RNF180: variants seen among roughly 807,000 people sequenced by gnomAD.
RNF180 encodes the protein ring finger protein 180.
RNF180 carries 38 observed loss-of-function variants against 59.2 expected under a neutral mutation model. The observed-to-expected ratio is 0.64, with a 90% CI of 0.50 to 0.84. RNF180 has a LOEUF of 0.84. RNF180 is among the 40% of genes least tolerant of loss of function. The pLI is 0.00. For synonymous variants in RNF180, 262 were observed against 240.3 expected (o/e 1.09, Z -0.84); for missense variants, 705 against 700.9 (o/e 1.01, Z -0.07).
At chr5:64,279,097 A>G (rs903922205) in intron 5 of RNF180, among the ~76,000 whole-genome samples, 1 of 152,226 alleles carries the variant, frequency 6.6e-6, no homozygotes, top group Admixed American at 6.5e-5. Context: ...GCTGGGCCCT[A>G]TAACATACCA....
chr5:64,267,016 A>G (rs1046980917), intron 5 of RNF180, among the ~76,000 whole-genome samples: 2 of 152,094 alleles, frequency 1.3e-5, no homozygotes, highest in South Asian at 2.1e-4. Flanking sequence ...AAGAAATATT[A>G]GTATGTTTAA....
chr5:64,274,279 T>C (rs1166874602), intron 5 of RNF180, among the ~76,000 whole-genome samples: 1 of 152,014 alleles, frequency 6.6e-6, no homozygotes, highest in East Asian at 1.9e-4. Flanking sequence ...TCACTTATTC[T>C]TTTTTATTAT....
intron 5 of RNF180, among the ~76,000 whole-genome samples, chr5:64,220,248 A>T (rs1357101069): frequency 1.3e-5 from 2 of 151,674 alleles, no homozygotes; most frequent in East Asian, 3.8e-4. Context: ...ATATGTATAT[A>T]TTTACATATA....
intron 2 of RNF180, among the ~76,000 whole-genome samples, chr5:64,203,469 A>G (rs1022313119): frequency 2.7e-4 from 41 of 152,096 alleles, no homozygotes; most frequent in African/African-American, 4.6e-4. Flanking sequence ...CCTCAGGCCT[A>G]TTTGTCCTGC....
At chr5:64,357,486 A>G (rs1022187291) in intron 7 of RNF180, among the ~76,000 whole-genome samples, 1 of 151,864 alleles carries the variant, frequency 6.6e-6, no homozygotes, top group African/African-American at 2.4e-5. Context: ...AGAACCTGCA[A>G]AATGTCTTTC....
chr5:64,283,980 T>C (rs1742145149), intron 5 of RNF180, among the ~76,000 whole-genome samples: 1 of 152,198 alleles, frequency 6.6e-6, no homozygotes, highest in East Asian at 1.9e-4. Context: ...AAGTATTTTG[T>C]GGTGGCCGGT....
intron 7 of RNF180, among the ~76,000 whole-genome samples, chr5:64,360,392 T>G (rs1252802043): frequency 6.6e-6 from 1 of 151,748 alleles, no homozygotes; most frequent in Non-Finnish European, 1.5e-5. Context: ...TCTCAATAAA[T>G]TAGGTATTGA....
At chr5:64,274,959 T>C (rs1336113176) in intron 5 of RNF180, among the ~76,000 whole-genome samples, 4 of 152,044 alleles carry the variant, frequency 2.6e-5, no homozygotes, top group Non-Finnish European at 5.9e-5. Flanking sequence ...ACTTTTCTAG[T>C]TGTTTCTTAA....
chr5:64,202,611 C>T (rs935601944), intron 2 of RNF180, among the ~76,000 whole-genome samples: 14 of 152,056 alleles, frequency 9.2e-5, no homozygotes, highest in African/African-American at 2.7e-4. Context: ...TATGAGAATT[C>T]CAGTTACATC....
intron 5 of RNF180, among the ~76,000 whole-genome samples, chr5:64,279,285 T>C (rs1418563485): frequency 3.3e-5 from 5 of 152,146 alleles, no homozygotes. Context: ...GATATGGCAA[T>C]TGGGTCACAG....
chr5:64,283,224 T>G (rs1019485631), intron 5 of RNF180, among the ~76,000 whole-genome samples: 3 of 152,198 alleles, frequency 2.0e-5, no homozygotes, highest in African/African-American at 7.2e-5. Context: ...ATCTTGTTGT[T>G]GAATTGAACT....
At chr5:64,300,309 C>G (rs1450543015) in intron 5 of RNF180, among the ~76,000 whole-genome samples, 1 of 151,754 alleles carries the variant, frequency 6.6e-6, no homozygotes, top group Non-Finnish European at 1.5e-5. Flanking sequence ...AAGTTAAACC[C>G]ACAATGCTTA....
intron 1 of RNF180, among the ~76,000 whole-genome samples, chr5:64,176,721 A>G (rs1579929316): frequency 1.3e-5 from 2 of 152,182 alleles, no homozygotes; most frequent in Non-Finnish European, 2.9e-5. Flanking sequence ...TGATTAGTTC[A>G]CTGATGGTTT....
chr5:64,341,852 T>C (rs1745367427), intron 7 of RNF180, among the ~76,000 whole-genome samples: 1 of 152,168 alleles, frequency 6.6e-6, no homozygotes, highest in Admixed American at 6.5e-5. Flanking sequence ...AAAAATGTTA[T>C]GAAAAGTTAT....
At chr5:64,307,361 C>T (rs1743526538) in intron 5 of RNF180, among the ~76,000 whole-genome samples, 1 of 151,418 alleles carries the variant, frequency 6.6e-6, no homozygotes, top group African/African-American at 2.4e-5. Context: ...AATATTTAGA[C>T]ATCTATTCTT....
intron 7 of RNF180, among the ~76,000 whole-genome samples, chr5:64,366,770 T>C (rs1746465919): frequency 6.6e-6 from 1 of 151,606 alleles, no homozygotes; most frequent in African/African-American, 2.4e-5. Context: ...AAATTTTTGG[T>C]GTCCCAGAGA....
At chr5:64,354,417 CAACAG>C (rs1428296747) in intron 7 of RNF180, among the ~76,000 whole-genome samples, 1 of 151,626 alleles carries the variant, frequency 6.6e-6, no homozygotes, top group African/African-American at 2.4e-5. Flanking sequence ...TAGAAAATCT[CAACAG>C]AACTATAACA....
At chr5:64,257,515 G>T (rs1054425694) in intron 5 of RNF180, among the ~76,000 whole-genome samples, 24 of 152,246 alleles carry the variant, frequency 1.6e-4, no homozygotes, top group African/African-American at 5.1e-4. Flanking sequence ...TTATTGATTT[G>T]CGTATGTTGA....
chr5:64,371,156 C>G lies in RNF180; in HGVS notation c.*1342C>G, dbSNP rs1459336566. On this transcript the variant is annotated 3_prime_UTR_variant, in exon 8 of 8. Coordinates refer to ENST00000389100, the MANE Select transcript of RNF180 (RefSeq NM_001113561.2). ...TACTGATTTCTATTCTAATGCTGTT[C>G]TTATTATTGTGTTTTAAATTATATC... 1 of 151,510 alleles carries G rather than the reference C, an allele frequency of 6.6e-6. No individual in the cohort carries two copies. Among genetic ancestry groups the G allele is most frequent in the African/African-American group, 2.4e-5 (1 of 41,360 alleles). 9.4% of individuals were successfully genotyped at this position (151,510 alleles called of 1,614,324 possible). A position where few individuals can be genotyped will look rare whatever the true frequency, so the allele number is the denominator to read the frequency against.
Sources: allele counts gnomAD v4.1 joint callset (sites outside exome capture counted in the v4.1 genomes callset), GRCh38; gene constraint gnomAD v4.1.1; transcripts MANE v1.5; gene names NCBI Gene and HGNC (gene_info 2026-07-23, HGNC 2026-07-21).